TMOD1: variants seen among roughly 807,000 people sequenced by gnomAD.
The protein encoded by TMOD1 is tropomodulin 1.
In TMOD1, 17 loss-of-function variants were observed where a neutral mutation model predicts 40.6. That is an observed-to-expected ratio of 0.42 (90% CI 0.29 to 0.63). The LOEUF is 0.63. Among genes scored for constraint, TMOD1 ranks in the 20% least tolerant of loss-of-function variants. The pLI is 0.22. For missense variants in TMOD1, 391 were observed against 447.6 expected (o/e 0.87, Z 1.14); for synonymous variants, 181 against 175.0 (o/e 1.03, Z -0.27).
chr9:97,565,789 C>A, intron 6 of TMOD1, 59 bp from the exon 7 acceptor site: 1 of 1,375,436 alleles, frequency 7.3e-7, no homozygotes, highest in Non-Finnish European at 1.0e-6. Context: ...AATCCACCTG[C>A]CTCAGCCTGT....
chr9:97,547,306 G>A (rs1183168182), intron 3 of TMOD1, among the ~76,000 whole-genome samples: 1 of 150,868 alleles, frequency 6.6e-6, no homozygotes, highest in African/African-American at 2.4e-5. Flanking sequence ...TACTCCCTAT[G>A]CCTGGAGTGC....
chr9:97,556,983 A>G (rs1159210328), intron 4 of TMOD1, among the ~76,000 whole-genome samples: 1 of 152,030 alleles, frequency 6.6e-6, no homozygotes. Context: ...GTGCCCTCCT[A>G]ACTCAGGTGT....
intron 2 of TMOD1, among the ~76,000 whole-genome samples, chr9:97,541,830 GTTATTTGTCAT>G (rs1295369143): frequency 6.6e-6 from 1 of 151,982 alleles, no homozygotes; most frequent in Non-Finnish European, 1.5e-5. Context: ...TTTAAATTGG[GTTATTTGTCAT>G]ATATTATTGA....
At chr9:97,567,459 G>A (rs764974781) in intron 7 of TMOD1, among the ~76,000 whole-genome samples, 154 of 152,268 alleles carry the variant, frequency 1.0e-3, no homozygotes, top group Non-Finnish European at 1.8e-3. Context: ...CTTTTCTCCT[G>A]GCCCCGGTTC....
At chr9:97,577,608 T>C (rs902384279) in intron 8 of TMOD1, among the ~76,000 whole-genome samples, 1 of 151,988 alleles carries the variant, frequency 6.6e-6, no homozygotes, top group Non-Finnish European at 1.5e-5. Context: ...GCCAACATGG[T>C]AAAACCCCAT....
chr9:97,526,032 T>C (rs142103020), intron 2 of TMOD1, among the ~76,000 whole-genome samples: 59 of 152,320 alleles, frequency 3.9e-4, no homozygotes, highest in African/African-American at 1.4e-3. Context: ...AGAAATGGCA[T>C]CCGCAATTGC....
In TMOD1 at chr9:97,591,341, A is replaced by G; in HGVS notation, c.921A>G (p.Glu307=). 1.9e-6 allele frequency: 3 copies of G among 1,614,200 alleles called. No individual in the cohort carries two copies. The highest frequency in any genetic ancestry group is 3.3e-5 in the Admixed American group (2 of 60,034). Residue 307 remains glutamate (E), a synonymous_variant, in exon 9 of 10, where the codon GAA becomes GAG. Transcript: ENST00000259365. ...KVEMEIVSML[E]KNATLLKFGY... ...AAATGGAGATTGTGAGCATGTTGGA[A>G]AAAAACGCAACACTTCTCAAATTCG... is the stretch of plus-strand genomic sequence containing the variant.
rs754097517 is a variant in TMOD1 at position 97,564,020 on chromosome 9, T to C, written c.488-18T>C. 3.1e-6 allele frequency: 5 copies of C among 1,594,360 alleles called. No homozygotes were observed. The African/African-American group carries it at 6.8e-5, about 22-fold the overall frequency. On this transcript the variant is annotated intron_variant, in intron 5 of 9. Transcript: ENST00000259365. ...CCCTTGTTTCTGTGAGCCACCTCCC[T>C]TTCATCGGTCACTCTAGGCGTGATT...
intron 4 of TMOD1, among the ~76,000 whole-genome samples, chr9:97,559,794 A>T (rs7865384): frequency 9.5e-3 from 217 of 22,826 alleles, no homozygotes; most frequent in South Asian, 0.013. Flanking sequence ...AAAAAAAAAA[A>T]ATATATATAT....
At chr9:97,559,540 G>A (rs911126893) in intron 4 of TMOD1, among the ~76,000 whole-genome samples, 4 of 151,120 alleles carry the variant, frequency 2.6e-5, no homozygotes, top group East Asian at 1.9e-4. Context: ...CAAGACAGGC[G>A]GGTTACTTGA....
chr9:97,591,970 G>GT (rs1826011119), intron 9 of TMOD1, among the ~76,000 whole-genome samples: 1 of 149,370 alleles, frequency 6.7e-6, no homozygotes, highest in South Asian at 2.1e-4. Context: ...GGCATAGTTT[G>GT]TTTTTTTCTA....
Position 97,515,872 on chromosome 9 carries a change from A to C in TMOD1, c.-48-8269A>C, listed in dbSNP as rs541469118. On this transcript the variant is annotated intron_variant, in intron 1 of 9. Transcript: ENST00000259365. ...TCTGGAACCCATCACAGGTGACAACACGCCCCCGGGGACATGAAACTGCAA... is the reference window on the plus strand; with the variant it reads ...TCTGGAACCCATCACAGGTGACAACCCGCCCCCGGGGACATGAAACTGCAA... Among the ~76,000 whole-genome samples, 17 of 152,098 alleles carry C rather than the reference A, an allele frequency of 1.1e-4. No individual in the cohort carries two copies. The South Asian group carries it at 3.1e-3, about 28-fold the overall frequency.
At chr9:97,552,285 A>C (rs1316557941) in intron 3 of TMOD1, among the ~76,000 whole-genome samples, 2 of 151,800 alleles carry the variant, frequency 1.3e-5, no homozygotes, top group Non-Finnish European at 2.9e-5. Flanking sequence ...CCTCACTTCT[A>C]TCAGGTCCCA....
At position 97,600,050 on chromosome 9, in the gene TMOD1, T is replaced by C; in HGVS notation, c.*352T>C. The C allele has an allele frequency of 9.4e-7, 1 of 1,068,544 alleles. No individual in the cohort carries two copies. Among genetic ancestry groups the C allele is most frequent in the Non-Finnish European group, 1.1e-6 (1 of 878,530 alleles). The allele number at this position is 1,068,544 out of a possible 1,614,324, so 66.2% of individuals were successfully genotyped here. On this transcript the variant is annotated 3_prime_UTR_variant, in exon 10 of 10. Coordinates refer to ENST00000259365, the MANE Select transcript of TMOD1 (RefSeq NM_003275.4). ...TGGTGTTTCAAGTGCATTTAAAATG[T>C]GTGACACAGAAACGGCACACTCTTC...
chr9:97,593,681 A>C (rs970183119), intron 9 of TMOD1, among the ~76,000 whole-genome samples: 3 of 152,120 alleles, frequency 2.0e-5, no homozygotes, highest in Admixed American at 2.0e-4. Context: ...ATCTAAACAA[A>C]GTGAGGAAAT....
intron 1 of TMOD1, among the ~76,000 whole-genome samples, chr9:97,504,086 T>C (rs1587906617): frequency 6.6e-6 from 1 of 152,096 alleles, no homozygotes; most frequent in African/African-American, 2.4e-5. Flanking sequence ...TAGACCAGGG[T>C]ATTGCAGCAG....
intron 2 of TMOD1, among the ~76,000 whole-genome samples, chr9:97,531,043 C>CCA (rs1554754353): frequency 8.7e-5 from 12 of 138,536 alleles, no homozygotes; most frequent in East Asian, 4.3e-4. Context: ...ACCCACCCCC[C>CCA]CCACCACCCC....
At chr9:97,551,000 A>ATG (rs1181804940) in intron 3 of TMOD1, among the ~76,000 whole-genome samples, 4 of 46,474 alleles carry the variant, frequency 8.6e-5, no homozygotes, top group African/African-American at 6.0e-4. Context: ...TTTTATATAT[A>ATG]TATATATATA....
intron 8 of TMOD1, among the ~76,000 whole-genome samples, chr9:97,583,226 G>T (rs1284709411): frequency 6.7e-6 from 1 of 148,468 alleles, no homozygotes; most frequent in Non-Finnish European, 1.5e-5. Flanking sequence ...GTTGAATTTT[G>T]TCAAAGGCTT....
Sources: allele counts gnomAD v4.1 joint callset (sites outside exome capture counted in the v4.1 genomes callset), GRCh38; gene constraint gnomAD v4.1.1; transcripts MANE v1.5; gene names NCBI Gene and HGNC (gene_info 2026-07-23, HGNC 2026-07-21).